ADGRL3: variants seen among roughly 807,000 people sequenced by gnomAD.
The protein encoded by ADGRL3 is calcium-independent alpha-latrotoxin receptor 3.
In ADGRL3, 62 loss-of-function variants were observed where a neutral mutation model predicts 153.5. That is an observed-to-expected ratio of 0.40 (90% confidence interval 0.33 to 0.50). The LOEUF (loss-of-function observed/expected upper bound fraction) is 0.50, where lower values mean the gene tolerates loss of function less well. ADGRL3 is among the 20% of genes least tolerant of loss of function. The pLI is 0.47. For synonymous variants in ADGRL3, 710 were observed against 672.5 expected (o/e 1.06, Z -0.86); for missense variants, 1,641 against 1,859.4 (o/e 0.88, Z 2.16).
chr4:61,200,396 G>A lies in ADGRL3; in HGVS notation c.-1609G>A, dbSNP rs1387077488. Among the ~76,000 whole-genome samples, 1 of 151,618 alleles carries A rather than the reference G, an allele frequency of 6.6e-6. No homozygotes were observed. The highest frequency in any genetic ancestry group is 1.5e-5 in the Non-Finnish European group (1 of 67,916). The stretch of plus-strand genomic sequence containing the variant: ...GGCTGCACGGTCCCCGCGCGCCCGC[G>A]CTCTGACCCGCTGTCTGCGCGTCGC... On this transcript the variant is annotated 5_prime_UTR_variant, in exon 1 of 27. Transcript: ENST00000683033.
intron 1 of ADGRL3, among the ~76,000 whole-genome samples, chr4:61,365,992 A>T (rs951267926): frequency 2.0e-5 from 3 of 152,180 alleles, no homozygotes; most frequent in African/African-American, 7.2e-5. Flanking sequence ...TTATTTTTTT[A>T]GAACTGGTCT....
rs111875834 is a variant in ADGRL3 at position 61,420,346 on chromosome 4, C to T, written c.-174+37157C>T. The T allele has an allele frequency of 4.8e-5, 7 of 145,424 alleles. 1 individual carries two copies. Among genetic ancestry groups the T allele is most frequent in the African/African-American group, 1.8e-4 (7 of 39,866 alleles). The allele number at this position is 145,424 out of a possible 1,614,324, so 9.0% of individuals were successfully genotyped here. ...AAATATTCATTGGTTAGTTTCTTCA[C>T]ATATTTTTATCATGATGAACCCTAG... On this transcript the variant is annotated intron_variant, in intron 2 of 26. Coordinates refer to ENST00000683033, the MANE Select transcript of ADGRL3 (RefSeq NM_001387552.1).
chr4:61,225,619 T>C (rs1263976505), intron 1 of ADGRL3, among the ~76,000 whole-genome samples: 2 of 152,186 alleles, frequency 1.3e-5, no homozygotes, highest in Non-Finnish European at 2.9e-5. Flanking sequence ...CAAACACCAC[T>C]TTGTTATTCA....
chr4:61,860,674 C>T (rs1199218211), intron 9 of ADGRL3, among the ~76,000 whole-genome samples: 1 of 152,124 alleles, frequency 6.6e-6, no homozygotes, highest in Non-Finnish European at 1.5e-5. Flanking sequence ...AGTGAAATGC[C>T]TCATTCCAGT....
chr4:62,011,944 T>TC (rs1199861746), intron 21 of ADGRL3, among the ~76,000 whole-genome samples: 1 of 152,098 alleles, frequency 6.6e-6, no homozygotes, highest in Non-Finnish European at 1.5e-5. Flanking sequence ...CATTTTTTTT[T>TC]CCTAACATAG....
chr4:61,286,954 T>G (rs1212648186), intron 1 of ADGRL3, among the ~76,000 whole-genome samples: 1 of 151,804 alleles, frequency 6.6e-6, no homozygotes, highest in African/African-American at 2.4e-5. Context: ...ATCTATATTT[T>G]TTAGTAATTA....
chr4:61,281,607 C>G (rs929110952), intron 1 of ADGRL3, among the ~76,000 whole-genome samples: 1 of 152,102 alleles, frequency 6.6e-6, no homozygotes, highest in African/African-American at 2.4e-5. Context: ...TTAAGGTACT[C>G]CTTCCCTTTG....
intron 6 of ADGRL3, among the ~76,000 whole-genome samples, chr4:61,715,220 G>A (rs2096083506): frequency 1.3e-5 from 2 of 152,110 alleles, no homozygotes; most frequent in African/African-American, 4.8e-5. Context: ...ACTGGTTATT[G>A]AAGTTCTGGT....
At chr4:61,867,627 G>C (rs115076932) in intron 9 of ADGRL3, among the ~76,000 whole-genome samples, 1 of 148,466 alleles carries the variant, frequency 6.7e-6, no homozygotes, top group Non-Finnish European at 1.5e-5. Context: ...AGAGAAAAGC[G>C]TATAGATTTA....
chr4:61,274,350 T>C (rs971069164), intron 1 of ADGRL3, among the ~76,000 whole-genome samples: 9 of 152,320 alleles, frequency 5.9e-5, no homozygotes, highest in African/African-American at 2.2e-4. Flanking sequence ...ACTTTCAAAT[T>C]GTATCCCATT....
At chr4:61,291,022 C>A (rs1317522626) in intron 1 of ADGRL3, among the ~76,000 whole-genome samples, 1 of 151,992 alleles carries the variant, frequency 6.6e-6, no homozygotes, top group East Asian at 1.9e-4. Context: ...CTAATCTTGA[C>A]TGAAAGGGTA....
chr4:61,528,823 A>G (rs1487947717), intron 4 of ADGRL3, among the ~76,000 whole-genome samples: 1 of 152,142 alleles, frequency 6.6e-6, no homozygotes, highest in Non-Finnish European at 1.5e-5. Context: ...TGGTGTGCTT[A>G]CAAAGACCAG....
At chr4:61,553,221 A>G (rs1457521070) in intron 4 of ADGRL3, among the ~76,000 whole-genome samples, 1 of 152,220 alleles carries the variant, frequency 6.6e-6, no homozygotes, top group Non-Finnish European at 1.5e-5. Context: ...AACAGCTATT[A>G]TTCCTGTATT....
intron 2 of ADGRL3, among the ~76,000 whole-genome samples, chr4:61,420,078 A>T (rs572625902): frequency 6.6e-6 from 1 of 152,284 alleles, no homozygotes; most frequent in South Asian, 2.1e-4. Context: ...CTGAGATTAC[A>T]GGCGTGAGCC....
intron 13 of ADGRL3, among the ~76,000 whole-genome samples, chr4:61,919,725 C>T (rs1332008026): frequency 6.6e-6 from 1 of 152,164 alleles, no homozygotes; most frequent in African/African-American, 2.4e-5. Context: ...AGGACAATGA[C>T]AGATGTTGAT....
chr4:61,791,085 A>G (rs929405399), intron 8 of ADGRL3, among the ~76,000 whole-genome samples: 5 of 152,196 alleles, frequency 3.3e-5, no homozygotes, highest in African/African-American at 1.2e-4. Flanking sequence ...TCCAAATCTC[A>G]TGTCCTCATA....
intron 1 of ADGRL3, among the ~76,000 whole-genome samples, chr4:61,205,017 T>C (rs1736473860): frequency 6.6e-6 from 1 of 152,206 alleles, no homozygotes; most frequent in South Asian, 2.1e-4. Flanking sequence ...ACTTACTGGC[T>C]GCAGCTACTG....
chr4:61,867,535 T>TATATATATATATATATATAG (rs1195493486), intron 9 of ADGRL3, among the ~76,000 whole-genome samples: 1 of 137,142 alleles, frequency 7.3e-6, no homozygotes, highest in Non-Finnish European at 1.6e-5. Flanking sequence ...TATATATATA[T>TATATATATATATATATATAG]ATATAATTGT....
intron 9 of ADGRL3, among the ~76,000 whole-genome samples, chr4:61,844,079 C>T (rs1561343158): frequency 6.7e-6 from 1 of 149,842 alleles, no homozygotes; most frequent in Non-Finnish European, 1.5e-5. Context: ...AGGGGTCTTG[C>T]CTGCTCAAAA....
Sources: allele counts gnomAD v4.1 joint callset (sites outside exome capture counted in the v4.1 genomes callset), GRCh38; gene constraint gnomAD v4.1.1; transcripts MANE v1.5; gene names NCBI Gene and HGNC (gene_info 2026-07-23, HGNC 2026-07-21).